The following RSPO2 variants were observed in gnomAD, a reference collection of about 807,000 sequenced individuals.
The protein encoded by RSPO2 is R-spondin-2.
A neutral mutation model predicts 30.9 loss-of-function variants in RSPO2; 14 were observed. The ratio of observed to expected loss-of-function variants is 0.45; its 90% confidence interval spans 0.30 to 0.71. The LOEUF (loss-of-function observed/expected upper bound fraction) is 0.71, where lower values mean the gene tolerates loss of function less well. RSPO2 is among the 30% of genes least tolerant of loss of function. The pLI is 0.08. For missense variants in RSPO2, 264 were observed against 301.9 expected (o/e 0.87, Z 0.93); for synonymous variants, 107 against 96.4 (o/e 1.11, Z -0.64).
chr8:107,985,851 T>C (rs1330967591), intron 3 of RSPO2, among the ~76,000 whole-genome samples: 1 of 152,204 alleles, frequency 6.6e-6, no homozygotes, highest in Non-Finnish European at 1.5e-5. Flanking sequence ...TTGGTTTCCA[T>C]AAGTATGGTT....
intron 2 of RSPO2, among the ~76,000 whole-genome samples, chr8:108,013,184 T>G (rs1810761957): frequency 6.6e-6 from 1 of 152,254 alleles, no homozygotes; most frequent in South Asian, 2.1e-4. Flanking sequence ...AGGGATGCTG[T>G]AACCCTTGAT....
chr8:107,948,805 A>T (rs750776769), intron 5 of RSPO2, among the ~76,000 whole-genome samples: 26 of 152,018 alleles, frequency 1.7e-4, no homozygotes, highest in Admixed American at 4.6e-4. Context: ...GCTTGCAGTG[A>T]GCCAATATCA....
At chr8:108,010,163 C>G (rs1810655030) in intron 2 of RSPO2, among the ~76,000 whole-genome samples, 1 of 152,002 alleles carries the variant, frequency 6.6e-6, no homozygotes, top group Non-Finnish European at 1.5e-5. Context: ...GCATAAAGGG[C>G]TAAGTAATCT....
chr8:107,956,297 T>A (rs980570333), intron 5 of RSPO2, among the ~76,000 whole-genome samples: 6 of 152,210 alleles, frequency 3.9e-5, no homozygotes, highest in Non-Finnish European at 7.4e-5. Flanking sequence ...ACTGAAAATG[T>A]AGACACAAGA....
intron 4 of RSPO2, among the ~76,000 whole-genome samples, chr8:107,959,796 C>A (rs1813559940): frequency 6.6e-6 from 1 of 152,164 alleles, no homozygotes; most frequent in Non-Finnish European, 1.5e-5. Flanking sequence ...GCACACATTT[C>A]TTCAAAAACC....
intron 2 of RSPO2, among the ~76,000 whole-genome samples, chr8:108,040,866 A>G (rs1811733276): frequency 6.6e-6 from 1 of 152,170 alleles, no homozygotes; most frequent in Non-Finnish European, 1.5e-5. Flanking sequence ...GTGGAGGTCT[A>G]AAACAGAATA....
chr8:107,905,175 T>C (rs1359387249), intron 5 of RSPO2, among the ~76,000 whole-genome samples: 1 of 152,084 alleles, frequency 6.6e-6, no homozygotes, highest in African/African-American at 2.4e-5. Flanking sequence ...CTCTCTTTCC[T>C]CTCACTGGGT....
intron 2 of RSPO2, among the ~76,000 whole-genome samples, chr8:108,044,281 T>G (rs1811843988): frequency 6.6e-6 from 1 of 152,136 alleles, no homozygotes; most frequent in South Asian, 2.1e-4. Context: ...CACGCAGGTT[T>G]GTTATATGCA....
At chr8:108,053,366 C>G (rs1259288302) in intron 2 of RSPO2, among the ~76,000 whole-genome samples, 1 of 152,140 alleles carries the variant, frequency 6.6e-6, no homozygotes, top group African/African-American at 2.4e-5. Flanking sequence ...GTTGGAAATC[C>G]TTCCTCTTGA....
At chr8:107,933,769 T>C (rs1416049172) in intron 5 of RSPO2, among the ~76,000 whole-genome samples, 2 of 152,194 alleles carry the variant, frequency 1.3e-5, no homozygotes, top group African/African-American at 4.8e-5. Context: ...ATTTTTAGTA[T>C]AACTTTGGAC....
chr8:107,929,500 C>T (rs1812485865), intron 5 of RSPO2, among the ~76,000 whole-genome samples: 1 of 152,076 alleles, frequency 6.6e-6, no homozygotes, highest in African/African-American at 2.4e-5. Flanking sequence ...AGCACCCAAG[C>T]AAGCAAATAA....
At chr8:108,013,937 T>C (rs1343869444) in intron 2 of RSPO2, among the ~76,000 whole-genome samples, 1 of 152,166 alleles carries the variant, frequency 6.6e-6, no homozygotes, top group East Asian at 1.9e-4. Flanking sequence ...GAGAAAATGT[T>C]TGCAATCTAT....
chr8:107,962,003 G>T (rs1448216812), intron 3 of RSPO2, among the ~76,000 whole-genome samples: 1 of 152,108 alleles, frequency 6.6e-6, no homozygotes, highest in Non-Finnish European at 1.5e-5. Flanking sequence ...TCGCAGGACC[G>T]GTAAATTCCA....
intron 3 of RSPO2, among the ~76,000 whole-genome samples, chr8:107,970,969 G>A (rs547333230): frequency 2.0e-5 from 3 of 152,284 alleles, no homozygotes; most frequent in African/African-American, 4.8e-5. Flanking sequence ...GGCAACCTTC[G>A]GGCCAGTCAG....
At chr8:107,915,217 T>C (rs1811942567) in intron 5 of RSPO2, among the ~76,000 whole-genome samples, 1 of 152,174 alleles carries the variant, frequency 6.6e-6, no homozygotes, top group African/African-American at 2.4e-5. Context: ...ATTACAAATA[T>C]CCTTAAATGT....
intron 5 of RSPO2, among the ~76,000 whole-genome samples, chr8:107,952,070 A>G (rs1459576502): frequency 6.6e-6 from 1 of 152,166 alleles, no homozygotes; most frequent in Non-Finnish European, 1.5e-5. Flanking sequence ...AATATTTTAA[A>G]AAGTGAGGGT....
intron 5 of RSPO2, among the ~76,000 whole-genome samples, chr8:107,925,493 G>T (rs1426344791): frequency 6.6e-6 from 1 of 151,876 alleles, no homozygotes; most frequent in African/African-American, 2.4e-5. Context: ...CCATATTGGT[G>T]TGCTGCACCC....
At chr8:108,014,149 T>C (rs1810796974) in intron 2 of RSPO2, among the ~76,000 whole-genome samples, 1 of 152,152 alleles carries the variant, frequency 6.6e-6, no homozygotes, top group Non-Finnish European at 1.5e-5. Context: ...AGATACACCA[T>C]CTCACGCCAG....
chr8:108,052,331 C>T (rs934002683), intron 2 of RSPO2, among the ~76,000 whole-genome samples: 1 of 152,174 alleles, frequency 6.6e-6, no homozygotes, highest in East Asian at 1.9e-4. Context: ...GAAACTCAAA[C>T]TTACCTATGA....
Sources: gnomAD v4.1 joint callset for allele counts (sites outside exome capture counted in the v4.1 genomes callset) on GRCh38, gnomAD v4.1.1 for gene constraint, MANE v1.5 for transcripts, NCBI Gene and HGNC (gene_info 2026-07-23, HGNC 2026-07-21) for gene names.